Variants in TP53I11 observed in about 807,000 individuals in gnomAD.
The protein encoded by TP53I11 is tumor protein p53-inducible protein 11.
TP53I11 carries 9 observed loss-of-function variants against 23.3 expected under a neutral mutation model. The ratio of observed to expected loss-of-function variants is 0.39; its 90% CI spans 0.23 to 0.67. TP53I11 has a LOEUF of 0.67. TP53I11 is among the 30% of genes least tolerant of loss of function. The pLI is 0.48. For missense variants in TP53I11, 170 were observed against 255.2 expected, an observed-to-expected ratio of 0.67 and a Z score of 2.27; for synonymous variants, 100 against 106.1, an observed-to-expected ratio of 0.94 and a Z score of 0.35.
chr11:44,941,614 G>A (rs947393572), intron 1 of TP53I11, among the ~76,000 whole-genome samples: 1 of 152,104 alleles, frequency 6.6e-6, no homozygotes, highest in Non-Finnish European at 1.5e-5. Context: ...TAATCTCCAT[G>A]AAGCCATGGG....
intron 1 of TP53I11, 114 bp from the exon 2 acceptor site, chr11:44,938,480 C>T (rs1319457617): frequency 7.9e-7 from 1 of 1,267,386 alleles, no homozygotes. Flanking sequence ...GAGGCCTCCC[C>T]ACGAGCCCAG....
intron 1 of TP53I11, among the ~76,000 whole-genome samples, chr11:44,945,435 C>T (rs1456696721): frequency 6.6e-6 from 1 of 152,054 alleles, no homozygotes. Context: ...GGTAACTGTT[C>T]TTTAACTGGA....
chr11:44,938,066 G>A, intron 2 of TP53I11, 141 bp downstream of exon 2: 1 of 1,209,556 alleles, frequency 8.3e-7, no homozygotes, highest in Non-Finnish European at 1.1e-6. Context: ...TATTCCCCTG[G>A]CATTGCTGTT....
At chr11:44,950,402 C>G (rs565863030) in intron 1 of TP53I11, among the ~76,000 whole-genome samples, 5 of 152,216 alleles carry the variant, frequency 3.3e-5, no homozygotes, top group East Asian at 3.9e-4. Context: ...GAAACCGAGT[C>G]AGAGGGAGGG....
rs1487442249 is a variant in TP53I11 at position 44,941,532 on chromosome 11, C to T, written c.-31-3166G>A. Among the ~76,000 whole-genome samples, 3 of 152,266 alleles carry T rather than the reference C, an allele frequency of 2.0e-5. No individual in the cohort carries two copies. In the East Asian group the frequency reaches 5.8e-4, roughly 29 times the overall value. The stretch of plus-strand genomic sequence containing the variant: ...GGTCAGTCACTTAACCTCTACGTGC[C>T]TCAGTCTTCCCAGGTGTAGTTGGGA... On this transcript the variant is annotated intron_variant, in intron 1 of 6. Transcript: ENST00000525680.
intron 3 of TP53I11, 45 bp downstream of exon 3, chr11:44,937,510 C>G: frequency 6.2e-7 from 1 of 1,606,008 alleles, no homozygotes. Flanking sequence ...TCTGCCCCAC[C>G]GCCGCAGGCC....
chr11:44,937,113 G>C (rs753839721), intron 4 of TP53I11, 191 bp downstream of exon 4: 1 of 796,384 alleles, frequency 1.3e-6, no homozygotes, highest in African/African-American at 1.8e-5. Flanking sequence ...ACAAACCATG[G>C]GATCTAGTGT....
At chr11:44,948,289 AT>A (rs1862583404) in intron 1 of TP53I11, among the ~76,000 whole-genome samples, 2 of 152,038 alleles carry the variant, frequency 1.3e-5, no homozygotes, top group African/African-American at 4.8e-5. Flanking sequence ...GGAGGAATTC[AT>A]CCCTTCTCAG....
chr11:44,935,669 C>CG lies in TP53I11; in HGVS notation c.335-8dup. 2.2e-6 allele frequency: 1 copy of CG among 457,040 alleles called. No homozygotes were observed. Among genetic ancestry groups the CG allele is most frequent in the Non-Finnish European group, 4.1e-6 (1 of 246,692 alleles). The allele number at this position is 457,040 out of a possible 1,614,324, so 28.3% of individuals were successfully genotyped here. Reference sequence around the variant, plus strand: ...CACATGATCAGGGAGATGCCTGGGGCGGGGGATGAAAAGGGGGCTGGGGGT... The same window carrying CG: ...CACATGATCAGGGAGATGCCTGGGGCGGGGGGATGAAAAGGGGGCTGGGGGT... On this transcript the variant is annotated splice_region_variant and splice_polypyrimidine_tract_variant and intron_variant, in intron 5 of 6. Coordinates refer to ENST00000525680, the MANE Select transcript of TP53I11 (RefSeq NM_006034.5).
rs963343156 is a variant in TP53I11, at chr11:44,938,370, A to C, written c.-31-4T>G. 1 of 1,558,628 alleles carries C rather than the reference A, an allele frequency of 6.4e-7. No homozygotes were observed. The highest frequency in any genetic ancestry group is 1.4e-5 in the African/African-American group (1 of 73,282). On this transcript the variant is annotated splice_polypyrimidine_tract_variant and splice_region_variant and intron_variant, in intron 1 of 6. Coordinates refer to ENST00000525680, the MANE Select transcript of TP53I11 (RefSeq NM_006034.5). The stretch of plus-strand genomic sequence containing the variant: ...CAGCCCGGCCTCTGCAGAAGGGCTG[A>C]GGGGAGACACCGGCCTCAGGCCACA...
In TP53I11 at chr11:44,936,868, G is replaced by A. The variant is rs758479755; in HGVS notation, c.269C>T (p.Ala90Val). Reference sequence around the variant, plus strand: ...GGTCACCTGGGCTCCATCAAAGACCGCATCATAGAGCTGGTCAGGGAAGGC... The same window carrying A: ...GGTCACCTGGGCTCCATCAAAGACCACATCATAGAGCTGGTCAGGGAAGGC... ...ALAFPDQLYD[A>V]VFDGAQVTSK... The change falls in exon 5 of 7, where the codon GCG becomes GTG. Residue 90 changes from alanine (A) to valine (V), a missense_variant. Transcript: ENST00000525680. The surrounding 1 kb of genome is among the most constrained non-coding windows in gnomAD (Gnocchi z 4.4). 8.7e-6 allele frequency: 14 copies of A among 1,608,600 alleles called. No homozygotes were observed. In the East Asian group the frequency reaches 1.1e-4, roughly 13 times the overall value.
At chr11:44,945,483 C>A (rs990482535) in intron 1 of TP53I11, among the ~76,000 whole-genome samples, 1 of 151,556 alleles carries the variant, frequency 6.6e-6, no homozygotes. Context: ...GCAATGTGTG[C>A]GGTGGTGGGG....
chr11:44,946,895 C>A (rs1326197437), intron 1 of TP53I11: 2 of 397,426 alleles, frequency 5.0e-6, no homozygotes, highest in South Asian at 3.7e-5. Context: ...AGACCCGCCA[C>A]CCCTCAGCCT....
intron 1 of TP53I11, chr11:44,940,887 C>T (rs1861685681): frequency 6.6e-6 from 1 of 152,264 alleles, no homozygotes; most frequent in Admixed American, 6.5e-5. Context: ...AGTTCCTCCA[C>T]ATCCTCACCA....
intron 1 of TP53I11, 124 bp downstream of exon 1, chr11:44,950,553 G>T (rs920648889): frequency 2.0e-5 from 3 of 151,934 alleles, no homozygotes; most frequent in African/African-American, 7.2e-5. Flanking sequence ...CGCGCGCGGG[G>T]TCCCGGCCGC....
intron 1 of TP53I11, among the ~76,000 whole-genome samples, chr11:44,947,696 T>C (rs1390810497): frequency 6.6e-6 from 1 of 152,146 alleles, no homozygotes; most frequent in Non-Finnish European, 1.5e-5. Context: ...GACTAGCTCA[T>C]GACTTAAAAG....
intron 1 of TP53I11, among the ~76,000 whole-genome samples, chr11:44,942,241 A>AC (rs1320437188): frequency 1.7e-5 from 2 of 117,010 alleles, no homozygotes; most frequent in Non-Finnish European, 3.8e-5. Flanking sequence ...ACCACACACC[A>AC]CACACACCCA....
upstream of TP53I11, chr11:44,950,964 C>T (rs1329369438): frequency 6.6e-6 from 1 of 151,834 alleles, no homozygotes; most frequent in Non-Finnish European, 1.5e-5. Context: ...CGGGCTGCCT[C>T]GCCCCCAGGG....
In TP53I11 at chr11:44,935,672, G is replaced by A. The variant is rs761243512; in HGVS notation, c.335-10C>T. On this transcript the variant is annotated splice_polypyrimidine_tract_variant and intron_variant, in intron 5 of 6. Transcript: ENST00000525680. The stretch of plus-strand genomic sequence containing the variant: ...ATGATCAGGGAGATGCCTGGGGCGG[G>A]GGATGAAAAGGGGGCTGGGGGTGGG... The A allele has an allele frequency of 2.0e-6, 3 of 1,532,438 alleles. No homozygotes were observed. The highest frequency in any genetic ancestry group is 2.7e-6 in the Non-Finnish European group (3 of 1,109,720). 94.9% of individuals were successfully genotyped at this position (1,532,438 alleles called of 1,614,324 possible).
Sources: allele counts gnomAD v4.1 joint callset (sites outside exome capture counted in the v4.1 genomes callset), GRCh38; gene constraint gnomAD v4.1.1; non-coding constraint Gnocchi (gnomAD v3.1); transcripts MANE v1.5; gene names NCBI Gene and HGNC (gene_info 2026-07-23, HGNC 2026-07-21).